The following B3GALT1 variants were observed in gnomAD, a reference collection of about 807,000 sequenced individuals.
The protein encoded by B3GALT1 is beta-1,3-galactosyltransferase 1.
Under a neutral mutation model 23.2 loss-of-function variants are expected in B3GALT1, and 10 were observed. That is an observed-to-expected ratio of 0.43 (90% CI 0.27 to 0.73). The LOEUF (loss-of-function observed/expected upper bound fraction) is 0.73, where lower values mean the gene tolerates loss of function less well. Ranked by LOEUF, B3GALT1 falls within the 30% of genes least tolerant of loss-of-function variation. The probability of loss-of-function intolerance (pLI) is 0.21; values close to 1 mark genes in which losing one functional copy is unlikely to be tolerated. For synonymous variants in B3GALT1, 156 were observed against 141.5 expected (o/e 1.10, Z -0.73); for missense variants, 299 against 405.4 (o/e 0.74, Z 2.25).
chr2:167,775,057 T>G (rs114944093), intron 3 of B3GALT1, among the ~76,000 whole-genome samples: 1,525 of 152,310 alleles, frequency 0.01, 28 homozygotes, highest in African/African-American at 0.031. Flanking sequence ...GTCATTAAAA[T>G]GTTTCTGCCT....
chr2:167,631,455 GGATAACCCAATA>G (rs1265868579), intron 2 of B3GALT1: 1 of 151,724 alleles, frequency 6.6e-6, no homozygotes, highest in Non-Finnish European at 1.5e-5. Flanking sequence ...TTGTCTAGCA[GGATAACCCAATA>G]GATAAGTATT....
intron 4 of B3GALT1, among the ~76,000 whole-genome samples, chr2:167,825,437 G>GGTGTGT (rs111721100): frequency 0.12 from 16,633 of 144,474 alleles, 1,421 homozygotes; most frequent in East Asian, 0.36. Flanking sequence ...TATATGCAGG[G>GGTGTGT]GTGTGTGTGT....
At chr2:167,649,376 T>G (rs1284078322) in intron 3 of B3GALT1, among the ~76,000 whole-genome samples, 1 of 152,120 alleles carries the variant, frequency 6.6e-6, no homozygotes, top group Non-Finnish European at 1.5e-5. Context: ...TTCACAATGG[T>G]GTGCAATCAT....
In B3GALT1 at chr2:167,390,021, C is replaced by T. The variant is rs73021741; in HGVS notation, c.-511+96687C>T. On this transcript the variant is annotated intron_variant, in intron 1 of 4. Coordinates refer to ENST00000392690, the MANE Select transcript of B3GALT1 (RefSeq NM_020981.4). ...AGAGGGACATGAGCTGTATTAAGGA[C>T]GCATCAAGGCAGAAGCCCAACTTAT... Among the ~76,000 whole-genome samples the T allele has an allele frequency of 6.1e-4, 92 of 151,594 alleles. No individual in the cohort carries two copies. In the East Asian group the frequency reaches 6.4e-3, roughly 11 times the overall value.
intron 2 of B3GALT1, among the ~76,000 whole-genome samples, chr2:167,516,112 G>A (rs1011738821): frequency 6.6e-6 from 1 of 151,818 alleles, no homozygotes; most frequent in Admixed American, 6.6e-5. Context: ...CACCACCACC[G>A]CAATTTAACT....
chr2:167,505,175 G>C (rs1699901510), intron 2 of B3GALT1, among the ~76,000 whole-genome samples: 1 of 152,150 alleles, frequency 6.6e-6, no homozygotes, highest in Admixed American at 6.5e-5. Context: ...GGTTATGCTG[G>C]ATATCTTTGG....
intron 1 of B3GALT1, among the ~76,000 whole-genome samples, chr2:167,469,426 A>T (rs968378084): frequency 3.9e-5 from 6 of 152,234 alleles, no homozygotes; most frequent in Admixed American, 3.3e-4. Context: ...ATGACTTGGA[A>T]AAACAAAATT....
intron 2 of B3GALT1, among the ~76,000 whole-genome samples, chr2:167,499,765 G>A (rs999748561): frequency 3.3e-5 from 5 of 152,040 alleles, no homozygotes; most frequent in African/African-American, 1.2e-4. Context: ...AAACACCTCA[G>A]TGCCCTACAT....
chr2:167,305,640 C>T (rs1422397059), intron 1 of B3GALT1, among the ~76,000 whole-genome samples: 1 of 152,028 alleles, frequency 6.6e-6, no homozygotes, highest in Non-Finnish European at 1.5e-5. Flanking sequence ...GACCAAATAC[C>T]TGGTTTCATG....
At chr2:167,714,408 C>G in intron 3 of B3GALT1, 3 of 1,550,192 alleles carry the variant, frequency 1.9e-6, no homozygotes, top group South Asian at 1.1e-5. Context: ...CCTCCTCCCC[C>G]TGGAAGCACA....
At chr2:167,722,480 A>G (rs1300910397) in intron 3 of B3GALT1, among the ~76,000 whole-genome samples, 1 of 152,216 alleles carries the variant, frequency 6.6e-6, no homozygotes, top group East Asian at 1.9e-4. Context: ...AGATATTCAG[A>G]AATCTTCGTT....
In B3GALT1 at chr2:167,563,249, C is replaced by T. The variant is rs1433441975; in HGVS notation, c.-410+72972C>T. Among the ~76,000 whole-genome samples, 16 of 148,330 alleles carry T rather than the reference C, an allele frequency of 1.1e-4. 1 individual carries two copies. Among genetic ancestry groups the T allele is most frequent in the Non-Finnish European group, 1.0e-4 (7 of 67,566 alleles). On this transcript the variant is annotated intron_variant, in intron 2 of 4. Coordinates refer to ENST00000392690, the MANE Select transcript of B3GALT1 (RefSeq NM_020981.4). The stretch of plus-strand genomic sequence containing the variant: ...AGCCGGGCAGAGGCGCCCCCCACCT[C>T]CCAGACGGGGCGGCTGGCCGGGCAG...
At chr2:167,512,606 A>ATGTGTATATATATATGTATATATATATG (rs1486067221) in intron 2 of B3GALT1, among the ~76,000 whole-genome samples, 22 of 95,292 alleles carry the variant, frequency 2.3e-4, no homozygotes, top group African/African-American at 1.4e-3. Context: ...ATATATATAT[A>ATGTGTATATATATATGTATATATATATG]TGTATATATA....
chr2:167,561,518 C>T (rs533871580), intron 2 of B3GALT1, among the ~76,000 whole-genome samples: 2 of 151,888 alleles, frequency 1.3e-5, no homozygotes, highest in Admixed American at 6.6e-5. Flanking sequence ...AATCCAGGAG[C>T]TGGTTTTTTG....
intron 3 of B3GALT1, among the ~76,000 whole-genome samples, chr2:167,647,999 C>G (rs1437611820): frequency 6.6e-6 from 1 of 152,082 alleles, no homozygotes; most frequent in Admixed American, 6.6e-5. Flanking sequence ...TCTCATCTTA[C>G]AAACCTTTGA....
chr2:167,791,079 A>G (rs944827665), intron 3 of B3GALT1, among the ~76,000 whole-genome samples: 3 of 152,054 alleles, frequency 2.0e-5, no homozygotes, highest in African/African-American at 7.3e-5. Context: ...ACACTTACAC[A>G]GCGCTTCCTA....
intron 2 of B3GALT1, among the ~76,000 whole-genome samples, chr2:167,585,910 C>T (rs1336237219): frequency 6.6e-6 from 1 of 152,104 alleles, no homozygotes; most frequent in Non-Finnish European, 1.5e-5. Flanking sequence ...TAAGCAGGCA[C>T]AAAAGAACGT....
chr2:167,644,518 C>A (rs112149355), intron 2 of B3GALT1, among the ~76,000 whole-genome samples: 1 of 152,182 alleles, frequency 6.6e-6, no homozygotes, highest in East Asian at 1.9e-4. Context: ...CAGTGGCTCA[C>A]GCCTGTAATC....
intron 1 of B3GALT1, among the ~76,000 whole-genome samples, chr2:167,351,540 G>T (rs576163693): frequency 6.6e-6 from 1 of 152,290 alleles, no homozygotes; most frequent in South Asian, 2.1e-4. Context: ...ACATAGCTTT[G>T]TGAGAAAAGA....
Sources: allele counts gnomAD v4.1 joint callset (sites outside exome capture counted in the v4.1 genomes callset), GRCh38; gene constraint gnomAD v4.1.1; transcripts MANE v1.5; gene names NCBI Gene and HGNC (gene_info 2026-07-23, HGNC 2026-07-21).